Variants in LTN1 observed in about 807,000 individuals in gnomAD.
LTN1 encodes the protein listerin E3 ubiquitin protein ligase 1.
A neutral mutation model predicts 201.2 loss-of-function variants in LTN1; 88 were observed. The observed-to-expected ratio is 0.44, with a 90% confidence interval of 0.37 to 0.52. The LOEUF is 0.52. Among genes scored for constraint, LTN1 ranks in the 20% least tolerant of loss-of-function variants. LTN1 has a pLI of 0.00. For synonymous variants in LTN1, 645 were observed against 713.5 expected (o/e 0.90, Z 1.53); for missense variants, 1,752 against 2,038.7 (o/e 0.86, Z 2.71).
intron 6 of LTN1, among the ~76,000 whole-genome samples, chr21:28,972,724 C>T (rs929044257): frequency 6.6e-6 from 1 of 152,048 alleles, no homozygotes; most frequent in Non-Finnish European, 1.5e-5. Context: ...AATCCCAAAA[C>T]AAGAGAAGAA....
intron 16 of LTN1, among the ~76,000 whole-genome samples, chr21:28,954,436 CAG>C (rs982663689): frequency 1.8e-4 from 27 of 152,218 alleles, no homozygotes; most frequent in African/African-American, 6.0e-4. Flanking sequence ...TTTGTTGAAA[CAG>C]GGAAATTTGC....
intron 11 of LTN1, among the ~76,000 whole-genome samples, chr21:28,961,760 C>T (rs2084480969): frequency 6.6e-6 from 1 of 152,140 alleles, no homozygotes; most frequent in Non-Finnish European, 1.5e-5. Context: ...GGTTCCAAAA[C>T]TCAAATCTGT....
At chr21:28,961,360 TAG>T (rs540937642) in intron 11 of LTN1, 162 of 156,606 alleles carry the variant, frequency 1.0e-3, no homozygotes, top group African/African-American at 3.7e-3. Flanking sequence ...TTCTCTGATA[TAG>T]AGTTACTAGG....
In LTN1 at chr21:28,969,593, G is replaced by A. The variant is rs1389998409; in HGVS notation, c.1184C>T (p.Thr395Ile). The A allele has an allele frequency of 1.3e-6, 2 of 1,594,438 alleles. No individual in the cohort carries two copies. Among genetic ancestry groups the A allele is most frequent in the Non-Finnish European group, 1.7e-6 (2 of 1,172,964 alleles). The change falls in exon 9 of 30, where the codon ACA becomes ATA. Residue 395 changes from threonine (T) to isoleucine (I), a missense_variant. Transcript: ENST00000361371. ...TAAAGAGCTGGTTTTAGTTCTCTCT[G>A]TTGACAGCCTAAGAAATAATTAATA... is the stretch of plus-strand genomic sequence containing the variant. ...FLTSLVAGLS[T>I]ERTKTSSLES...
intron 4 of LTN1, among the ~76,000 whole-genome samples, chr21:28,984,485 T>C (rs537239788): frequency 1.3e-5 from 2 of 152,296 alleles, no homozygotes; most frequent in East Asian, 3.9e-4. Flanking sequence ...ATTTAAATAC[T>C]GTAGAAAGAT....
At chr21:28,954,769 C>T (rs981965689) in intron 16 of LTN1, among the ~76,000 whole-genome samples, 1 of 152,168 alleles carries the variant, frequency 6.6e-6, no homozygotes, top group African/African-American at 2.4e-5. Context: ...CTATCTCTCA[C>T]CATCTAAAAA....
rs1181344615 is a variant in LTN1, at chr21:28,984,739, T to C, written c.529A>G (p.Ser177Gly). ...KDAFEAAFPP[S>G]KQPEAIAFCK... Reference sequence around the variant, plus strand: ...AATGCTATGGCTTCAGGTTGCTTGCTTGGAGGAAAAGCCGCTTCAAATGCA... The same window carrying C: ...AATGCTATGGCTTCAGGTTGCTTGCCTGGAGGAAAAGCCGCTTCAAATGCA... Residue 177 changes from serine to glycine, a missense_variant, in exon 4 of 30, where the codon AGC becomes GGC. By Grantham distance (56) the Ser-to-Gly change is moderately conservative (BLOSUM62 0). This residue lies in a region of LTN1 where 280 missense variants were observed against 375.7 expected (regional missense o/e 0.75). Transcript: ENST00000361371. 1 of 1,614,186 alleles carries C rather than the reference T, an allele frequency of 6.2e-7. No homozygotes were observed.
chr21:28,964,819 CT>C lies in LTN1; in HGVS notation c.2163+1045del. On this transcript the variant is annotated intron_variant, in intron 11 of 29. Coordinates refer to ENST00000361371, the MANE Select transcript of LTN1 (RefSeq NM_015565.3). ...ACTCTTATCAAATTATTTGCACCCC[CT>C]GCTCTGAATCAAGGCTTATCAAGGA... is the stretch of plus-strand genomic sequence containing the variant. 5 of 1,496,444 alleles carry C rather than the reference CT, an allele frequency of 3.3e-6. No individual in the cohort carries two copies. The Admixed American group carries it at 1.1e-4, about 32-fold the overall frequency. 92.7% of individuals were successfully genotyped at this position (1,496,444 alleles called of 1,614,324 possible).
intron 5 of LTN1, among the ~76,000 whole-genome samples, chr21:28,982,005 G>A (rs557889966): frequency 1.4e-4 from 21 of 152,238 alleles, no homozygotes; most frequent in African/African-American, 4.1e-4. Flanking sequence ...ACCTGAGGTC[G>A]TGAGTTCGAG....
intron 9 of LTN1, among the ~76,000 whole-genome samples, chr21:28,969,082 G>T (rs2084551058): frequency 6.6e-6 from 1 of 151,920 alleles, no homozygotes; most frequent in Non-Finnish European, 1.5e-5. Flanking sequence ...TTAGCTGGGT[G>T]TGGTGGCGGG....
intron 19 of LTN1, among the ~76,000 whole-genome samples, chr21:28,946,995 C>T (rs947613056): frequency 3.3e-5 from 5 of 152,204 alleles, no homozygotes; most frequent in African/African-American, 1.2e-4. Context: ...TTCCTTTCTG[C>T]CACTTCTATA....
At position 28,969,574 on chromosome 21, in the gene LTN1, G is replaced by A. The variant is rs780684979; in HGVS notation, c.1203C>T (p.Ser401=). The change falls in exon 9 of 30, where the codon AGC becomes AGT. Residue 401 remains serine (S), a synonymous_variant. Transcript: ENST00000361371. ...AGLSTERTKT[S]SLESSAVISA... ...ATATTACTGCCGAGGACTCTAAAGA[G>A]CTGGTTTTAGTTCTCTCTGTTGACA... 4 of 1,607,272 alleles carry A rather than the reference G, an allele frequency of 2.5e-6. No individual in the cohort carries two copies. The South Asian group carries it at 4.4e-5, about 18-fold the overall frequency.
rs2084220788 is a variant in LTN1, at chr21:28,932,664, C to T, written c.4876G>A (p.Val1626Ile). 1.3e-6 allele frequency: 2 copies of T among 1,598,512 alleles called. No individual in the cohort carries two copies. The highest frequency in any genetic ancestry group is 1.7e-5 in the Admixed American group (1 of 57,446). Residue 1626 changes from valine to isoleucine, a missense_variant and splice_region_variant, in exon 28 of 30, where the codon GTT becomes ATT. By Grantham distance (29) the Val-to-Ile change is conservative (BLOSUM62 3). Transcript: ENST00000361371. ...TCTCGAGTAGTAGCTCGAGCTTTAA[C>T]CTGCAATACAACAAAGGATATTTTG... ...TSTQLFNGMT[V>I]KARATTREVM...
At chr21:28,947,413 C>T (rs1479204437) in intron 19 of LTN1, 51 bp downstream of exon 19, 6 of 1,391,394 alleles carry the variant, frequency 4.3e-6, no homozygotes, top group Non-Finnish European at 5.8e-6. Flanking sequence ...AACAGTTCTT[C>T]ATCTCAAGCA....
chr21:28,945,705 C>G, intron 21 of LTN1, 102 bp downstream of exon 21: 1 of 1,050,598 alleles, frequency 9.5e-7, no homozygotes, highest in East Asian at 2.4e-5. Flanking sequence ...TACAAAGGAA[C>G]CAATTACAAT....
chr21:28,959,624 T>C lies in LTN1; in HGVS notation c.2427A>G (p.Lys809=). Residue 809 remains lysine, a synonymous_variant, in exon 13 of 30, where the codon AAA becomes AAG. Transcript: ENST00000361371. ...RLHETLFKTK[K]LSEAESSDSS... ...AGTCACTGCTTTCAGCTTCTGATAA[T>C]TTCTTTGTTTTGAATAAAGTTTCAT... The C allele has an allele frequency of 6.2e-7, 1 of 1,613,980 alleles. No homozygotes were observed. The highest frequency in any genetic ancestry group is 8.5e-7 in the Non-Finnish European group (1 of 1,179,912).
intron 1 of LTN1, among the ~76,000 whole-genome samples, chr21:28,988,881 C>T (rs1467426125): frequency 2.0e-5 from 3 of 151,726 alleles, no homozygotes; most frequent in East Asian, 3.9e-4. Flanking sequence ...AGGAGAATTG[C>T]TTGAACCCAG....
chr21:28,983,040 C>T (rs139062331), intron 4 of LTN1, among the ~76,000 whole-genome samples: 1 of 152,292 alleles, frequency 6.6e-6, no homozygotes, highest in Non-Finnish European at 1.5e-5. Flanking sequence ...CAGAGTGGGA[C>T]TAGAACCAAT....
At chr21:28,938,481 AC>A (rs2084273430) in intron 25 of LTN1, among the ~76,000 whole-genome samples, 1 of 152,206 alleles carries the variant, frequency 6.6e-6, no homozygotes, top group African/African-American at 2.4e-5. Flanking sequence ...ATTTTTCAAA[AC>A]AAAAAGTTAG....
Sources: gnomAD v4.1 joint callset for allele counts (sites outside exome capture counted in the v4.1 genomes callset) on GRCh38, gnomAD v4.1.1 for gene constraint, gnomAD v4.1.1 regional missense constraint, MANE v1.5 for transcripts, NCBI Gene and HGNC (gene_info 2026-07-23, HGNC 2026-07-21) for gene names.